GRIA4: variants seen among roughly 807,000 people sequenced by gnomAD.
GRIA4 encodes glutamate receptor 4.
Under a neutral mutation model 104.0 loss-of-function variants are expected in GRIA4, and 34 were observed. The observed-to-expected ratio is 0.33, with a 90% CI of 0.25 to 0.44. The LOEUF is 0.44. GRIA4 is among the 20% of genes least tolerant of loss of function. The pLI is 1.00. For synonymous variants in GRIA4, 386 were observed against 381.9 expected (o/e 1.01, Z -0.13); for missense variants, 750 against 1,096.5 (o/e 0.68, Z 4.46).
Position 105,867,018 on chromosome 11 carries a change from C to T in GRIA4, c.672+4810C>T, listed in dbSNP as rs150922462. 3.5e-3 allele frequency among the ~76,000 whole-genome samples: 534 copies of T among 152,118 alleles called. 3 individuals are homozygous for T. Among genetic ancestry groups the T allele is most frequent in the African/African-American group, 0.012 (510 of 41,504 alleles). On this transcript the variant is annotated intron_variant, in intron 5 of 16. Coordinates refer to ENST00000282499, the MANE Select transcript of GRIA4 (RefSeq NM_000829.4). ...TCTTAAACTGCTTCTTTATCATGTACCCCAGATTTAATTGGAACCCCTTTC... is the reference window on the plus strand; with the variant it reads ...TCTTAAACTGCTTCTTTATCATGTATCCCAGATTTAATTGGAACCCCTTTC...
At chr11:105,941,489 A>G (rs904101078) in intron 14 of GRIA4, among the ~76,000 whole-genome samples, 6 of 152,158 alleles carry the variant, frequency 3.9e-5, no homozygotes, top group Non-Finnish European at 1.5e-5. Flanking sequence ...ATCATTTTAA[A>G]TACCATCAAC....
chr11:105,831,737 T>C (rs375617095), intron 4 of GRIA4, among the ~76,000 whole-genome samples: 12 of 151,982 alleles, frequency 7.9e-5, no homozygotes, highest in African/African-American at 2.2e-4. Context: ...TGAGCAACCA[T>C]TGAGATAGGG....
intron 3 of GRIA4, among the ~76,000 whole-genome samples, chr11:105,701,041 T>C (rs1029451792): frequency 3.9e-5 from 6 of 152,202 alleles, no homozygotes; most frequent in Non-Finnish European, 7.3e-5. Context: ...ATGCTTGTTC[T>C]TGCCTCTATA....
At chr11:105,912,532 A>T in intron 10 of GRIA4, 1 of 268,428 alleles carries the variant, frequency 3.7e-6, no homozygotes, top group Non-Finnish European at 5.6e-6. Context: ...ATATATATAT[A>T]AATATATATA....
At chr11:105,834,638 G>C (rs1012056845) in intron 4 of GRIA4, among the ~76,000 whole-genome samples, 27 of 149,730 alleles carry the variant, frequency 1.8e-4, no homozygotes, top group Middle Eastern at 3.4e-3. Flanking sequence ...GCTTTCACCA[G>C]AAATATGCAA....
intron 5 of GRIA4, among the ~76,000 whole-genome samples, chr11:105,870,076 T>C (rs1289254671): frequency 6.6e-6 from 1 of 151,948 alleles, no homozygotes; most frequent in African/African-American, 2.4e-5. Flanking sequence ...CTATTATTCA[T>C]CCAAAGTCTA....
At chr11:105,801,747 G>A (rs1445202889) in intron 4 of GRIA4, among the ~76,000 whole-genome samples, 1 of 152,022 alleles carries the variant, frequency 6.6e-6, no homozygotes, top group African/African-American at 2.4e-5. Context: ...CTAAAAATAA[G>A]ACAGGATTTT....
intron 4 of GRIA4, among the ~76,000 whole-genome samples, chr11:105,804,852 A>T (rs1942880299): frequency 6.6e-6 from 1 of 151,934 alleles, no homozygotes; most frequent in African/African-American, 2.4e-5. Context: ...TTGCAGTGGG[A>T]TTTTCAATTA....
At chr11:105,912,807 C>T (rs1947295050) in intron 10 of GRIA4, 1 of 983,156 alleles carries the variant, frequency 1.0e-6, no homozygotes, top group Non-Finnish European at 1.2e-6. Context: ...TATCCCTCCA[C>T]TTCATTCATT....
At chr11:105,648,044 G>T (rs538850885) in intron 3 of GRIA4, among the ~76,000 whole-genome samples, 1 of 151,758 alleles carries the variant, frequency 6.6e-6, no homozygotes, top group Admixed American at 6.6e-5. Context: ...GTTTAATTCT[G>T]GAAATAAAAG....
intron 3 of GRIA4, among the ~76,000 whole-genome samples, chr11:105,719,136 G>A (rs1954207453): frequency 6.6e-6 from 1 of 152,044 alleles, no homozygotes; most frequent in South Asian, 2.1e-4. Context: ...TCAGGCATTC[G>A]TACCTGATCT....
intron 3 of GRIA4, among the ~76,000 whole-genome samples, chr11:105,649,902 G>C (rs938957626): frequency 6.6e-6 from 1 of 151,888 alleles, no homozygotes; most frequent in Non-Finnish European, 1.5e-5. Flanking sequence ...TTGAAATAAT[G>C]AATCTCCCAT....
At chr11:105,653,047 G>A (rs1951728158) in intron 3 of GRIA4, among the ~76,000 whole-genome samples, 2 of 152,050 alleles carry the variant, frequency 1.3e-5, no homozygotes, top group South Asian at 4.2e-4. Flanking sequence ...GAGTAGCTGG[G>A]ACTACAGGCA....
intron 3 of GRIA4, among the ~76,000 whole-genome samples, chr11:105,731,833 C>T (rs1487821541): frequency 6.6e-6 from 1 of 151,876 alleles, no homozygotes; most frequent in African/African-American, 2.4e-5. Flanking sequence ...ACAATAAAAA[C>T]ATATGGGCAC....
chr11:105,886,786 AGAAT>A (rs1253422445), intron 5 of GRIA4, among the ~76,000 whole-genome samples: 1 of 152,138 alleles, frequency 6.6e-6, no homozygotes, highest in Non-Finnish European at 1.5e-5. Context: ...AGTTTTTCAG[AGAAT>A]GAGAGTTGTA....
At chr11:105,673,720 A>T (rs769213399) in intron 3 of GRIA4, among the ~76,000 whole-genome samples, 1 of 151,992 alleles carries the variant, frequency 6.6e-6, no homozygotes, top group Non-Finnish European at 1.5e-5. Flanking sequence ...TATTATATTT[A>T]TTTTGAAGTT....
At position 105,628,354 on chromosome 11, in the gene GRIA4, T is replaced by C. The variant is rs61901797; in HGVS notation, c.247+15920T>C. ...ATATATCAGATCTTTCATGTACATA[T>C]ATAATATATACATGCTGATACGGTT... On this transcript the variant is annotated intron_variant, in intron 3 of 16. Transcript: ENST00000282499. Among the ~76,000 whole-genome samples the C allele has an allele frequency of 5.0e-3, 761 of 152,288 alleles. 2 individuals are homozygous for C. Among genetic ancestry groups the C allele is most frequent in the Non-Finnish European group, 8.3e-3 (562 of 68,004 alleles).
intron 3 of GRIA4, among the ~76,000 whole-genome samples, chr11:105,662,126 T>C (rs555432622): frequency 5.3e-5 from 8 of 151,958 alleles, no homozygotes; most frequent in African/African-American, 1.9e-4. Flanking sequence ...GCAGATGACA[T>C]TTTATTTGAG....
At chr11:105,745,733 G>A (rs73630129) in intron 3 of GRIA4, among the ~76,000 whole-genome samples, 1,581 of 152,242 alleles carry the variant, frequency 0.01, 29 homozygotes, top group African/African-American at 0.036. Context: ...ACTAATATGA[G>A]GAGGACTTTC....
Sources: gnomAD v4.1 joint callset for allele counts (sites outside exome capture counted in the v4.1 genomes callset) on GRCh38, gnomAD v4.1.1 for gene constraint, MANE v1.5 for transcripts, NCBI Gene and HGNC (gene_info 2026-07-23, HGNC 2026-07-21) for gene names.